FMN1: variants seen among roughly 807,000 people sequenced by gnomAD.
FMN1 encodes formin-1.
A neutral mutation model predicts 132.4 loss-of-function variants in FMN1; 110 were observed. The ratio of observed to expected loss-of-function variants is 0.83; its 90% CI spans 0.71 to 0.97. The LOEUF (loss-of-function observed/expected upper bound fraction) is 0.97, where lower values mean the gene tolerates loss of function less well. Ranked by LOEUF, FMN1 falls within the 50% of genes least tolerant of loss-of-function variation. The probability of loss-of-function intolerance (pLI) is 0.00; values close to 1 mark genes in which losing one functional copy is unlikely to be tolerated. For missense variants in FMN1, 1,792 were observed against 1,705.3 expected (o/e 1.05, Z -0.90); for synonymous variants, 722 against 651.7 (o/e 1.11, Z -1.64).
chr15:32,837,358 A>T (rs577151179), intron 17 of FMN1: 1 of 159,740 alleles, frequency 6.3e-6, no homozygotes, highest in African/African-American at 2.4e-5. Flanking sequence ...GTGGCGACAT[A>T]AGGGTTCTGG....
At position 32,925,158 on chromosome 15, in the gene FMN1, G is replaced by A. The variant is rs150043876; in HGVS notation, c.3226+1016C>T. On this transcript the variant is annotated intron_variant, in intron 10 of 20. Coordinates refer to ENST00000616417, the MANE Select transcript of FMN1 (RefSeq NM_001277313.2). ...AATAACAACATTTTGAAAACGAAAG[G>A]ATGAAGAAACAATGACGTAACCAAA... Among the ~76,000 whole-genome samples the A allele has an allele frequency of 3.6e-4, 55 of 152,234 alleles. No individual in the cohort carries two copies. The East Asian group carries it at 4.0e-3, about 11-fold the overall frequency.
At chr15:33,130,462 A>T (rs1352117372) in intron 4 of FMN1, among the ~76,000 whole-genome samples, 1 of 152,234 alleles carries the variant, frequency 6.6e-6, no homozygotes, top group African/African-American at 2.4e-5. Context: ...TATAGCAAAG[A>T]TCAGCAACCT....
At chr15:32,829,303 T>G (rs969308377) in intron 17 of FMN1, among the ~76,000 whole-genome samples, 1 of 152,236 alleles carries the variant, frequency 6.6e-6, no homozygotes, top group African/African-American at 2.4e-5. Context: ...AAACATGCGC[T>G]CCGGCGAAAG....
At chr15:32,959,930 C>T (rs1174875626) in intron 9 of FMN1, among the ~76,000 whole-genome samples, 1 of 152,166 alleles carries the variant, frequency 6.6e-6, no homozygotes, top group East Asian at 1.9e-4. Flanking sequence ...AGAAAGCATT[C>T]AGAGGAGATT....
intron 19 of FMN1, among the ~76,000 whole-genome samples, chr15:32,778,798 A>T (rs1389305744): frequency 6.6e-6 from 1 of 152,170 alleles, no homozygotes; most frequent in Admixed American, 6.6e-5. Flanking sequence ...CAGCAATTCT[A>T]CTGCTAGGTA....
intron 7 of FMN1, among the ~76,000 whole-genome samples, chr15:32,980,782 A>G (rs928850087): frequency 1.3e-5 from 2 of 152,050 alleles, no homozygotes; most frequent in African/African-American, 4.8e-5. Flanking sequence ...TTGGGAGGCC[A>G]AGGAAGGCGG....
chr15:32,846,224 G>C (rs2058852279), intron 17 of FMN1, among the ~76,000 whole-genome samples: 1 of 152,126 alleles, frequency 6.6e-6, no homozygotes, highest in South Asian at 2.1e-4. Flanking sequence ...GTAGAAAAAA[G>C]TATTGCTTAA....
intron 17 of FMN1, among the ~76,000 whole-genome samples, chr15:32,831,203 A>G (rs747609328): frequency 6.6e-6 from 1 of 151,964 alleles, no homozygotes; most frequent in Non-Finnish European, 1.5e-5. Flanking sequence ...TATTAAATAA[A>G]TGTTAGCTAA....
chr15:33,074,676 T>C (rs1022758607), intron 5 of FMN1, among the ~76,000 whole-genome samples: 1 of 152,150 alleles, frequency 6.6e-6, no homozygotes, highest in South Asian at 2.1e-4. Flanking sequence ...GCAGTGGGTA[T>C]GTAATCTTGT....
At chr15:32,907,839 T>C (rs11854241) in intron 12 of FMN1, among the ~76,000 whole-genome samples, 27,039 of 151,900 alleles carry the variant, frequency 0.18, 2,861 homozygotes, top group Non-Finnish European at 0.24. Context: ...CTGGGCAGGG[T>C]CGTGGGGCTG....
intron 4 of FMN1, among the ~76,000 whole-genome samples, chr15:33,099,397 A>T (rs375100547): frequency 7.9e-5 from 12 of 152,320 alleles, no homozygotes; most frequent in African/African-American, 2.6e-4. Flanking sequence ...ACCTTCTAGC[A>T]CTTCTGTATG....
chr15:32,859,253 A>G (rs979112163), intron 16 of FMN1, among the ~76,000 whole-genome samples: 1 of 152,204 alleles, frequency 6.6e-6, no homozygotes, highest in Non-Finnish European at 1.5e-5. Flanking sequence ...GAAAGGTACA[A>G]AAGAAGATAA....
intron 3 of FMN1, among the ~76,000 whole-genome samples, chr15:33,157,678 G>A (rs572192029): frequency 6.6e-6 from 1 of 151,996 alleles, no homozygotes; most frequent in East Asian, 1.9e-4. Flanking sequence ...TCTTAACAAT[G>A]TCTCACATCT....
chr15:33,026,438 A>ACACACACACACACACT (rs2035678869), intron 6 of FMN1, among the ~76,000 whole-genome samples: 2 of 151,584 alleles, frequency 1.3e-5, no homozygotes, highest in Non-Finnish European at 2.9e-5. Context: ...ACACACACAC[A>ACACACACACACACACT]CTTCTGTTTA....
At chr15:33,174,706 T>C (rs1056747027) in intron 3 of FMN1, among the ~76,000 whole-genome samples, 1 of 152,284 alleles carries the variant, frequency 6.6e-6, no homozygotes, top group Middle Eastern at 3.4e-3. Flanking sequence ...CTTGAGAGCA[T>C]AGGATCATAT....
intron 6 of FMN1, among the ~76,000 whole-genome samples, chr15:33,025,239 A>G (rs1055858009): frequency 4.6e-5 from 7 of 152,186 alleles, no homozygotes; most frequent in African/African-American, 7.2e-5. Context: ...GAGAAATTCA[A>G]TAACAAAATT....
chr15:33,157,356 GA>G (rs1964714159), intron 3 of FMN1, among the ~76,000 whole-genome samples: 1 of 151,620 alleles, frequency 6.6e-6, no homozygotes, highest in Non-Finnish European at 1.5e-5. Flanking sequence ...TATTCCCTAA[GA>G]GAGGGAATTT....
intron 15 of FMN1, among the ~76,000 whole-genome samples, chr15:32,891,949 T>C (rs2060041489): frequency 6.6e-6 from 1 of 152,166 alleles, no homozygotes; most frequent in African/African-American, 2.4e-5. Flanking sequence ...TTATAGGCGC[T>C]TTCTGGAGGA....
intron 12 of FMN1, chr15:32,908,198 C>T (rs763742464): frequency 4.1e-5 from 11 of 270,794 alleles, no homozygotes; most frequent in Non-Finnish European, 7.0e-5. Context: ...CTCAGTTACC[C>T]TTTTGGTCAA....
Sources: allele counts gnomAD v4.1 joint callset (sites outside exome capture counted in the v4.1 genomes callset), GRCh38; gene constraint gnomAD v4.1.1; transcripts MANE v1.5; gene names NCBI Gene and HGNC (gene_info 2026-07-23, HGNC 2026-07-21).